Variants in XKR4 observed in about 807,000 individuals in gnomAD.
The protein encoded by XKR4 is XK-related protein 4.
In XKR4, 12 loss-of-function variants were observed where a neutral mutation model predicts 53.9. That is an observed-to-expected ratio of 0.22 (90% CI 0.14 to 0.36). The LOEUF is 0.36. XKR4 is among the 10% of genes least tolerant of loss of function. XKR4 has a pLI of 1.00. For missense variants in XKR4, 799 were observed against 859.5 expected, an observed-to-expected ratio of 0.93 and a Z score of 0.88; for synonymous variants, 354 against 362.4, an observed-to-expected ratio of 0.98 and a Z score of 0.26.
chr8:55,273,506 A>C (rs560129654), intron 1 of XKR4, among the ~76,000 whole-genome samples: 1 of 152,336 alleles, frequency 6.6e-6, no homozygotes, highest in East Asian at 1.9e-4. Flanking sequence ...GGAGTCATGT[A>C]GCTTGAGTGT....
At chr8:55,140,021 C>T (rs1816681920) in intron 1 of XKR4, 1 of 254,870 alleles carries the variant, frequency 3.9e-6, no homozygotes, top group Non-Finnish European at 7.9e-6. Flanking sequence ...TTCTAAGGTA[C>T]CAAAAATTGA....
intron 2 of XKR4, among the ~76,000 whole-genome samples, chr8:55,404,461 T>C (rs1804656570): frequency 1.3e-5 from 2 of 152,232 alleles, no homozygotes; most frequent in South Asian, 4.1e-4. Flanking sequence ...TGAACTCCAC[T>C]TCTGCCTTGT....
intron 2 of XKR4, among the ~76,000 whole-genome samples, chr8:55,389,781 G>C (rs1416463316): frequency 2.0e-5 from 3 of 152,190 alleles, no homozygotes; most frequent in African/African-American, 7.2e-5. Flanking sequence ...TTATAAGCCT[G>C]TCTTTAAGTC....
intron 1 of XKR4, among the ~76,000 whole-genome samples, chr8:55,120,304 T>A (rs1338001743): frequency 1.3e-5 from 2 of 152,148 alleles, no homozygotes; most frequent in Non-Finnish European, 2.9e-5. Flanking sequence ...GTAGCACATG[T>A]TTTGAGTTTA....
At chr8:55,443,530 T>TAAAAAAAAAAAAAAAAAAA (rs751152509) in intron 2 of XKR4, among the ~76,000 whole-genome samples, 5 of 74,008 alleles carry the variant, frequency 6.8e-5, no homozygotes, top group Non-Finnish European at 6.9e-5. Context: ...TCAGTTACAT[T>TAAAAAAAAAAAAAAAAAAA]AAAAAAAAAA....
intron 1 of XKR4, among the ~76,000 whole-genome samples, chr8:55,265,895 G>A (rs1818593304): frequency 1.3e-5 from 2 of 151,934 alleles, no homozygotes; most frequent in Non-Finnish European, 1.5e-5. Flanking sequence ...TGAGGCAGGA[G>A]AATCGCTTGA....
chr8:55,134,163 C>G (rs1816594488), intron 1 of XKR4, among the ~76,000 whole-genome samples: 1 of 152,182 alleles, frequency 6.6e-6, no homozygotes. Flanking sequence ...TATTTGCTCC[C>G]AAATGGCAAC....
intron 1 of XKR4, among the ~76,000 whole-genome samples, chr8:55,173,519 C>T (rs1817190751): frequency 6.6e-6 from 1 of 152,104 alleles, no homozygotes; most frequent in African/African-American, 2.4e-5. Flanking sequence ...ATTGTGTTGT[C>T]CTCTATTCTC....
At chr8:55,521,019 A>G (rs1039181901) in intron 2 of XKR4, 2 of 152,134 alleles carry the variant, frequency 1.3e-5, no homozygotes, top group African/African-American at 2.4e-5. Context: ...CCCGTTAACA[A>G]CCCCGCTTTG....
chr8:55,386,123 G>A (rs772839908), intron 2 of XKR4, among the ~76,000 whole-genome samples: 2 of 152,158 alleles, frequency 1.3e-5, no homozygotes, highest in African/African-American at 4.8e-5. Context: ...TTTGTAGGAC[G>A]AGGAGACAGC....
chr8:55,204,159 GCCAACATAC>G (rs77416402), intron 1 of XKR4, among the ~76,000 whole-genome samples: 32,365 of 151,822 alleles, frequency 0.21, 4,096 homozygotes, highest in Middle Eastern at 0.44. Context: ...TATACCAAGT[GCCAACATAC>G]CCTGCTAATT....
intron 1 of XKR4, among the ~76,000 whole-genome samples, chr8:55,329,639 A>G (rs551811755): frequency 6.6e-6 from 1 of 152,306 alleles, no homozygotes; most frequent in South Asian, 2.1e-4. Context: ...ACTGGCGTGT[A>G]CTTCCTAGGC....
intron 2 of XKR4, among the ~76,000 whole-genome samples, chr8:55,403,241 T>A (rs1445601464): frequency 2.0e-5 from 3 of 152,266 alleles, no homozygotes; most frequent in African/African-American, 7.2e-5. Flanking sequence ...TACATCTTTT[T>A]TAAATCACAG....
chr8:55,228,320 A>G (rs1034447276), intron 1 of XKR4, among the ~76,000 whole-genome samples: 4 of 150,566 alleles, frequency 2.7e-5, no homozygotes, highest in African/African-American at 9.7e-5. Context: ...TGCAGTCCTT[A>G]AGTACGATTT....
At chr8:55,377,957 C>T (rs192268359) in intron 2 of XKR4, among the ~76,000 whole-genome samples, 87 of 152,284 alleles carry the variant, frequency 5.7e-4, no homozygotes, top group Middle Eastern at 3.4e-3. Context: ...ATTGTGTGCG[C>T]GTAATACCTA....
At chr8:55,173,315 T>A (rs1221640893) in intron 1 of XKR4, among the ~76,000 whole-genome samples, 1 of 152,094 alleles carries the variant, frequency 6.6e-6, no homozygotes, top group Non-Finnish European at 1.5e-5. Context: ...TAATTATTGT[T>A]GGTATGACCT....
intron 2 of XKR4, among the ~76,000 whole-genome samples, chr8:55,389,507 T>A (rs564901937): frequency 2.0e-4 from 31 of 152,268 alleles, no homozygotes; most frequent in African/African-American, 7.2e-4. Context: ...GTGGAATCCA[T>A]CAGAAAATGA....
intron 1 of XKR4, among the ~76,000 whole-genome samples, chr8:55,311,829 CAAAAAAAAAAA>C (rs57826022): frequency 1.1e-4 from 11 of 98,570 alleles, no homozygotes; most frequent in African/African-American, 3.9e-4. Context: ...TGTAATTTAG[CAAAAAAAAAAA>C]AAAAAAAAAA....
At chr8:55,186,857 T>A (rs1341618711) in intron 1 of XKR4, among the ~76,000 whole-genome samples, 1 of 152,192 alleles carries the variant, frequency 6.6e-6, no homozygotes, top group Admixed American at 6.5e-5. Context: ...GATTGTTATA[T>A]TTGTAATCAG....
Sources: gnomAD v4.1 joint callset for allele counts (sites outside exome capture counted in the v4.1 genomes callset) on GRCh38, gnomAD v4.1.1 for gene constraint, MANE v1.5 for transcripts, NCBI Gene and HGNC (gene_info 2026-07-23, HGNC 2026-07-21) for gene names.